Variants in TMC1 observed in about 807,000 individuals in gnomAD.
The protein encoded by TMC1 is transmembrane channel-like protein 1.
In TMC1, 84 loss-of-function variants were observed where a neutral mutation model predicts 105.8. That is an observed-to-expected ratio of 0.79 (90% confidence interval 0.67 to 0.95). The LOEUF is 0.95. Ranked by LOEUF, TMC1 falls within the 40% of genes least tolerant of loss-of-function variation. The pLI, the probability that TMC1 is intolerant of heterozygous loss-of-function variation, is 0.00. For synonymous variants in TMC1, 315 were observed against 311.5 expected (o/e 1.01, Z -0.12); for missense variants, 817 against 914.1 (o/e 0.89, Z 1.37).
chr9:72,639,529 A>G (rs954312121), intron 4 of TMC1, among the ~76,000 whole-genome samples: 1 of 152,202 alleles, frequency 6.6e-6, no homozygotes, highest in African/African-American at 2.4e-5. Context: ...AGTTTTCTAA[A>G]GATTTTCTGT....
rs117640387 is a variant in TMC1, at chr9:72,809,799, G to A, written c.1695+4289G>A. ...CTGTATTCCCACTAGGGAGAAATTG[G>A]CTGGAGTTGAGAAACCACTGCCATC... On this transcript the variant is annotated intron_variant, in intron 18 of 23. Transcript: ENST00000297784. 6.9e-3 allele frequency among the ~76,000 whole-genome samples: 1,047 copies of A among 152,258 alleles called. 7 individuals are homozygous for A. Among genetic ancestry groups the A allele is most frequent in the Non-Finnish European group, 0.013 (863 of 68,024 alleles).
intron 13 of TMC1, among the ~76,000 whole-genome samples, chr9:72,779,114 G>A (rs999724720): frequency 1.1e-4 from 17 of 152,188 alleles, no homozygotes; most frequent in Non-Finnish European, 2.4e-4. Context: ...TGAGAGGCCA[G>A]AGAACAAAGC....
At chr9:72,751,783 A>G (rs1827583502) in intron 10 of TMC1, 67 bp from the exon 11 acceptor site, 1 of 1,037,482 alleles carries the variant, frequency 9.6e-7, no homozygotes, top group Non-Finnish European at 1.5e-6. Flanking sequence ...GGCAACCAAG[A>G]CAAAGCTCTT....
At chr9:72,703,131 C>CT (rs928109889) in intron 8 of TMC1, among the ~76,000 whole-genome samples, 14 of 150,918 alleles carry the variant, frequency 9.3e-5, no homozygotes, top group Non-Finnish European at 1.6e-4. Context: ...ATTTAAATTA[C>CT]TTTTTTTTTC....
At chr9:72,714,044 AC>A (rs1826880369) in intron 8 of TMC1, among the ~76,000 whole-genome samples, 1 of 152,074 alleles carries the variant, frequency 6.6e-6, no homozygotes, top group Non-Finnish European at 1.5e-5. Context: ...TCATTTAGGA[AC>A]AGGTTGTTCA....
At chr9:72,695,874 G>A (rs570333703) in intron 7 of TMC1, among the ~76,000 whole-genome samples, 2 of 151,874 alleles carry the variant, frequency 1.3e-5, no homozygotes, top group Non-Finnish European at 2.9e-5. Context: ...TTTGACTCTA[G>A]TATTTTTTAT....
chr9:72,628,327 CT>C, intron 4 of TMC1: 2 of 233,300 alleles, frequency 8.6e-6, no homozygotes, highest in South Asian at 9.8e-5. Flanking sequence ...TGAACAAATA[CT>C]TGTGTCATCC....
At chr9:72,534,694 C>T (rs73475889) in intron 1 of TMC1, among the ~76,000 whole-genome samples, 2,104 of 152,134 alleles carry the variant, frequency 0.014, 35 homozygotes, top group African/African-American at 0.048. Context: ...TGAGAATGTC[C>T]AGTTTAACTT....
chr9:72,525,813 C>T (rs1033544203), intron 1 of TMC1, among the ~76,000 whole-genome samples: 1 of 152,182 alleles, frequency 6.6e-6, no homozygotes, highest in Non-Finnish European at 1.5e-5. Context: ...CATGGCAAAA[C>T]CCCGTCTCTA....
intron 18 of TMC1, among the ~76,000 whole-genome samples, chr9:72,806,422 G>C (rs1255594846): frequency 1.3e-5 from 2 of 151,544 alleles, no homozygotes; most frequent in Non-Finnish European, 2.9e-5. Context: ...CTCCCTCCCG[G>C]ACGGGGTGGC....
At chr9:72,695,870 T>G (rs1826541716) in intron 7 of TMC1, among the ~76,000 whole-genome samples, 1 of 152,206 alleles carries the variant, frequency 6.6e-6, no homozygotes, top group Non-Finnish European at 1.5e-5. Flanking sequence ...AAATTTTGAC[T>G]CTAGTATTTT....
At chr9:72,789,004 T>A (rs923595510) in intron 14 of TMC1, 119 bp from the exon 15 acceptor site, 1 of 1,000,080 alleles carries the variant, frequency 1.0e-6, no homozygotes, top group Non-Finnish European at 1.5e-6. Flanking sequence ...TAGTTTACAT[T>A]GTCATTCCTC....
chr9:72,539,228 C>A (rs533082775), intron 1 of TMC1, among the ~76,000 whole-genome samples: 1 of 146,162 alleles, frequency 6.8e-6, no homozygotes, highest in South Asian at 2.2e-4. Flanking sequence ...ACAAAAAATA[C>A]AAAAAAAAAA....
intron 8 of TMC1, among the ~76,000 whole-genome samples, chr9:72,734,977 T>A (rs1194745764): frequency 2.0e-5 from 3 of 152,202 alleles, no homozygotes; most frequent in African/African-American, 7.2e-5. Context: ...AAATTATCTA[T>A]TCTGTAAGTT....
chr9:72,821,359 G>A (rs965804779), intron 20 of TMC1, among the ~76,000 whole-genome samples: 3 of 151,944 alleles, frequency 2.0e-5, no homozygotes, highest in Non-Finnish European at 4.4e-5. Flanking sequence ...AAAATTAGTC[G>A]CGTGTGGTGG....
intron 19 of TMC1, among the ~76,000 whole-genome samples, chr9:72,820,232 C>T (rs1365880609): frequency 6.6e-6 from 1 of 152,254 alleles, no homozygotes; most frequent in African/African-American, 2.4e-5. Flanking sequence ...CACCATATCA[C>T]CTACAAAGAG....
intron 18 of TMC1, among the ~76,000 whole-genome samples, chr9:72,815,203 T>C (rs540391428): frequency 6.6e-6 from 1 of 152,254 alleles, no homozygotes; most frequent in Non-Finnish European, 1.5e-5. Flanking sequence ...TAGAATCTCC[T>C]GTTAGGATGC....
rs565610152 is a variant in TMC1, at chr9:72,693,603, A to AT, written c.65-934dup. Among the ~76,000 whole-genome samples, 40 of 152,232 alleles carry AT rather than the reference A, an allele frequency of 2.6e-4. No homozygotes were observed. The South Asian group carries it at 8.1e-3, about 31-fold the overall frequency. ...ATTCATAGTTTTCCATTGAAATATA[A>AT]TTTTTTCTCTGGGGTAGCCTCTATT... is the stretch of plus-strand genomic sequence containing the variant. On this transcript the variant is annotated intron_variant, in intron 6 of 23. Transcript: ENST00000297784.
chr9:72,793,335 G>A (rs1828308078), intron 17 of TMC1, among the ~76,000 whole-genome samples: 1 of 152,160 alleles, frequency 6.6e-6, no homozygotes, highest in Non-Finnish European at 1.5e-5. Context: ...ACTCCAGCCA[G>A]TTACCGGTAG....
Sources: allele counts gnomAD v4.1 joint callset (sites outside exome capture counted in the v4.1 genomes callset), GRCh38; gene constraint gnomAD v4.1.1; transcripts MANE v1.5; gene names NCBI Gene and HGNC (gene_info 2026-07-23, HGNC 2026-07-21).